The following DYM variants were observed in gnomAD, a reference collection of about 807,000 sequenced individuals.
The protein encoded by DYM is dymeclin.
In DYM, 78 loss-of-function variants were observed where a neutral mutation model predicts 93.1. The ratio of observed to expected loss-of-function variants is 0.84; its 90% CI spans 0.70 to 1.01. The LOEUF (loss-of-function observed/expected upper bound fraction) is 1.01. Ranked by LOEUF, DYM falls within the 50% of genes least tolerant of loss-of-function variation. The pLI, the probability that DYM is intolerant of heterozygous loss-of-function variation, is 0.00. For synonymous variants in DYM, 321 were observed against 319.7 expected, an observed-to-expected ratio of 1.00 and a Z score of -0.04; for missense variants, 789 against 845.0, an observed-to-expected ratio of 0.93 and a Z score of 0.82.
At chr18:49,252,281 TTTCA>T (rs2094308223) in intron 13 of DYM, among the ~76,000 whole-genome samples, 1 of 125,844 alleles carries the variant, frequency 7.9e-6, no homozygotes, top group South Asian at 2.5e-4. Flanking sequence ...AGTTAAGAGG[TTTCA>T]TTGACTCACA....
chr18:49,412,986 C>A (rs1482805947), intron 2 of DYM: 1 of 152,194 alleles, frequency 6.6e-6, no homozygotes, highest in African/African-American at 2.4e-5. Flanking sequence ...TGTGTGATCA[C>A]TGTAAATGAT....
intron 5 of DYM, among the ~76,000 whole-genome samples, chr18:49,370,944 T>C (rs919750532): frequency 6.6e-6 from 1 of 152,076 alleles, no homozygotes; most frequent in Non-Finnish European, 1.5e-5. Context: ...AAGAACAACC[T>C]ACGAGCAAAT....
chr18:49,293,307 T>C (rs967476978), intron 8 of DYM, among the ~76,000 whole-genome samples: 12 of 152,160 alleles, frequency 7.9e-5, no homozygotes, highest in Admixed American at 7.9e-4. Flanking sequence ...GTCTTTATAG[T>C]AGAATAATTT....
At chr18:49,084,810 T>C (rs902985921) in intron 17 of DYM, among the ~76,000 whole-genome samples, 12 of 152,188 alleles carry the variant, frequency 7.9e-5, no homozygotes, top group Admixed American at 5.9e-4. Flanking sequence ...ATATAGTGCA[T>C]GGTTTCATTT....
chr18:49,364,619 A>G (rs1038036089), intron 5 of DYM, among the ~76,000 whole-genome samples: 2 of 152,122 alleles, frequency 1.3e-5, no homozygotes, highest in African/African-American at 4.8e-5. Flanking sequence ...CTTTTCAATT[A>G]CTTTAAGCTG....
chr18:49,137,992 G>A (rs1009011618), intron 15 of DYM, among the ~76,000 whole-genome samples: 1 of 152,168 alleles, frequency 6.6e-6, no homozygotes, highest in African/African-American at 2.4e-5. Flanking sequence ...AAATCTCTAT[G>A]CCCAAAGAAT....
intron 11 of DYM, among the ~76,000 whole-genome samples, chr18:49,263,125 T>C (rs987021844): frequency 1.3e-5 from 2 of 148,822 alleles, no homozygotes; most frequent in Non-Finnish European, 1.5e-5. Context: ...AATATCTTCT[T>C]TTTTTTTTTT....
Position 49,217,963 on chromosome 18 carries a change from T to C in DYM, c.1461-8248A>G, listed in dbSNP as rs568067502. Among the ~76,000 whole-genome samples the C allele has an allele frequency of 5.4e-3, 823 of 152,182 alleles. 1 individual carries two copies. Among genetic ancestry groups the C allele is most frequent in the Non-Finnish European group, 8.8e-3 (596 of 68,002 alleles). On this transcript the variant is annotated intron_variant, in intron 13 of 17. Transcript: ENST00000675505. ...CAATTAAAAGACACAGACTGGCAAA[T>C]TGGATAAACGGTCAAGACCCATCAG...
chr18:49,143,372 T>G (rs1453123817), intron 15 of DYM, among the ~76,000 whole-genome samples: 1 of 152,132 alleles, frequency 6.6e-6, no homozygotes, highest in Non-Finnish European at 1.5e-5. Flanking sequence ...GATAAGAGAA[T>G]AAAGGGCATA....
At chr18:49,301,958 T>A (rs1227027112) in intron 8 of DYM, among the ~76,000 whole-genome samples, 1 of 152,194 alleles carries the variant, frequency 6.6e-6, no homozygotes, top group Non-Finnish European at 1.5e-5. Flanking sequence ...AGACACATGG[T>A]GGTTCAGTGT....
chr18:49,323,651 C>A (rs1226854028), intron 8 of DYM, among the ~76,000 whole-genome samples: 1 of 152,194 alleles, frequency 6.6e-6, no homozygotes, highest in Non-Finnish European at 1.5e-5. Flanking sequence ...GGGTTCTACA[C>A]CAAGAAGTGA....
At chr18:49,428,679 A>AAAAT (rs759814341) in intron 2 of DYM, among the ~76,000 whole-genome samples, 1 of 152,130 alleles carries the variant, frequency 6.6e-6, no homozygotes, top group Non-Finnish European at 1.5e-5. Flanking sequence ...TCCCTCTCAA[A>AAAAT]AAATAAATAA....
rs1048042202 is a variant in DYM, at chr18:49,038,723, A to G, written c.*5332T>C. On this transcript the variant is annotated 3_prime_UTR_variant, in exon 18 of 18. Transcript: ENST00000675505. Reference sequence around the variant, plus strand: ...TTCTTCTTTCTTAGACTCTTTTGCAATTCTTAAATCTTCCACTGAATTGAT... The same window carrying G: ...TTCTTCTTTCTTAGACTCTTTTGCAGTTCTTAAATCTTCCACTGAATTGAT... 1.6e-4 allele frequency among the ~76,000 whole-genome samples: 25 copies of G among 152,168 alleles called. No homozygotes were observed. The highest frequency in any genetic ancestry group is 5.6e-4 in the African/African-American group (23 of 41,436).
chr18:49,309,650 T>G (rs1308836351), intron 8 of DYM, among the ~76,000 whole-genome samples: 1 of 152,118 alleles, frequency 6.6e-6, no homozygotes, highest in Non-Finnish European at 1.5e-5. Context: ...AAAACAAATG[T>G]TTTTAAATCT....
chr18:49,180,453 G>T (rs1394882948), intron 14 of DYM, among the ~76,000 whole-genome samples: 1 of 152,118 alleles, frequency 6.6e-6, no homozygotes, highest in Non-Finnish European at 1.5e-5. Context: ...TATATGGACA[G>T]TACAGGCAAC....
intron 9 of DYM, 111 bp downstream of exon 9, chr18:49,286,323 T>TA: frequency 7.9e-7 from 1 of 1,261,880 alleles, no homozygotes; most frequent in Non-Finnish European, 1.2e-6. Context: ...GTTTGACCAA[T>TA]ATGAAAACAT....
chr18:49,379,362 C>T (rs1361359755), intron 4 of DYM, among the ~76,000 whole-genome samples: 1 of 151,996 alleles, frequency 6.6e-6, no homozygotes, highest in Non-Finnish European at 1.5e-5. Context: ...AACTAGATAG[C>T]AGCAGCAGTG....
chr18:49,348,978 T>C (rs771217958), intron 6 of DYM, among the ~76,000 whole-genome samples: 31 of 147,908 alleles, frequency 2.1e-4, no homozygotes, highest in Non-Finnish European at 5.9e-5. Flanking sequence ...GAGGCCGAAG[T>C]GGGCAGATGA....
intron 15 of DYM, among the ~76,000 whole-genome samples, chr18:49,130,869 G>A (rs759169044): frequency 6.6e-6 from 1 of 152,122 alleles, no homozygotes; most frequent in Non-Finnish European, 1.5e-5. Context: ...TTGTGGGGAG[G>A]AGGACATAGA....
Sources: allele counts gnomAD v4.1 joint callset (sites outside exome capture counted in the v4.1 genomes callset), GRCh38; gene constraint gnomAD v4.1.1; transcripts MANE v1.5; gene names NCBI Gene and HGNC (gene_info 2026-07-23, HGNC 2026-07-21).